ADGRF1: variants seen among roughly 807,000 people sequenced by gnomAD.
ADGRF1 encodes adhesion G protein-coupled receptor F1.
ADGRF1 carries 85 observed loss-of-function variants against 87.2 expected under a neutral mutation model. The ratio of observed to expected loss-of-function variants is 0.97; its 90% CI spans 0.82 to 1.17. ADGRF1 has a LOEUF of 1.17. Ranked by LOEUF, ADGRF1 falls within the 50% of genes most tolerant of loss-of-function variation. The pLI, the probability that ADGRF1 is intolerant of heterozygous loss-of-function variation, is 0.00. For synonymous variants in ADGRF1, 430 were observed against 408.8 expected, an observed-to-expected ratio of 1.05 and a Z score of -0.63; for missense variants, 1,169 against 1,077.2, an observed-to-expected ratio of 1.09 and a Z score of -1.19.
chr6:47,027,949 T>C (rs971268825), intron 2 of ADGRF1, among the ~76,000 whole-genome samples, 188 bp from the exon 3 acceptor site: 1 of 152,000 alleles, frequency 6.6e-6, no homozygotes, highest in Non-Finnish European at 1.5e-5. Context: ...AGAATATGCC[T>C]GGCAGGTAAA....
Position 47,032,269 on chromosome 6 carries a change from C to T in ADGRF1, c.-43-3165G>A, listed in dbSNP as rs115070313. Among the ~76,000 whole-genome samples, 30 of 152,274 alleles carry T rather than the reference C, an allele frequency of 2.0e-4. No individual in the cohort carries two copies. In the Middle Eastern group the frequency reaches 0.01, roughly 52 times the overall value. ...CTGGGATTTGAAACCAAAGCTCAAG[C>T]GAATCAAACTTTTTTTCTTTGCTTC... On this transcript the variant is annotated intron_variant, in intron 1 of 14. Transcript: ENST00000371253.
intron 3 of ADGRF1, 101 bp from the exon 4 acceptor site, chr6:47,026,104 T>G: frequency 1.0e-6 from 1 of 978,946 alleles, no homozygotes; most frequent in Non-Finnish European, 1.5e-6. Context: ...GGTCAGGGAC[T>G]CTACCATGCT....
intron 1 of ADGRF1, among the ~76,000 whole-genome samples, chr6:47,031,134 G>C (rs1780405921): frequency 1.3e-5 from 2 of 152,164 alleles, no homozygotes; most frequent in Admixed American, 1.3e-4. Context: ...ACAGTTTATA[G>C]TGCTGGAGCT....
chr6:47,012,109 T>C lies in ADGRF1; in HGVS notation c.1014A>G (p.Pro338=), dbSNP rs749383166. ...AAGCCAGATTCCCCACTGTGGTTGA[T>C]GGGTTTTGCCGAATGATGACAGAAA... ...QNLSVIIRQN[P]STTVGNLASV... The change falls in exon 10 of 15, where the codon CCA becomes CCG. Residue 338 remains proline, a synonymous_variant. Coordinates refer to ENST00000371253, the MANE Select transcript of ADGRF1 (RefSeq NM_153840.4). 8 of 1,614,014 alleles carry C rather than the reference T, an allele frequency of 5.0e-6. No homozygotes were observed. Among genetic ancestry groups the C allele is most frequent in the Admixed American group, 1.7e-5 (1 of 59,996 alleles).
intron 1 of ADGRF1, 53 bp downstream of exon 1, chr6:47,042,138 C>CT (rs1190844675): frequency 2.0e-5 from 3 of 152,028 alleles, no homozygotes; most frequent in Non-Finnish European, 4.4e-5. Context: ...ACAGGTAGTA[C>CT]TGGTCATCGT....
At chr6:47,020,937 T>C (rs1780028813) in intron 6 of ADGRF1, 148 bp from the exon 7 acceptor site, 6 of 657,816 alleles carry the variant, frequency 9.1e-6, no homozygotes, top group South Asian at 8.9e-5. Context: ...TTGCATGTCA[T>C]ACAAATACAG....
At position 47,009,973 on chromosome 6, in the gene ADGRF1, C is replaced by G. The variant is rs762710655; in HGVS notation, c.1462G>C (p.Gly488Arg). ...TTTTTGGAAACGGGTAGAATGTTCC[C>G]CAGAGTCAACGAGGCCATGCTGATA... ...TIISMASLTLGNILPVSKNGN... is the reference protein window; with the variant it reads ...TIISMASLTLRNILPVSKNGN... The change falls in exon 11 of 15, where the codon GGG (glycine) becomes CGG (arginine). Residue 488 changes from glycine (G) to arginine (R), a missense_variant. Physicochemically the swap from Gly to Arg is moderately radical, Grantham distance 125. Transcript: ENST00000371253. 5 of 1,613,988 alleles carry G rather than the reference C, an allele frequency of 3.1e-6. No individual in the cohort carries two copies. In the African/African-American group the frequency reaches 6.7e-5, roughly 22 times the overall value.
At chr6:47,021,038 G>T (rs942287413) in intron 6 of ADGRF1, among the ~76,000 whole-genome samples, 1 of 152,166 alleles carries the variant, frequency 6.6e-6, no homozygotes, top group African/African-American at 2.4e-5. Flanking sequence ...CTAATAAATT[G>T]TGAATAACCA....
intron 9 of ADGRF1, chr6:47,013,020 G>T: frequency 1.0e-6 from 1 of 953,426 alleles, no homozygotes; most frequent in Non-Finnish European, 1.2e-6. Flanking sequence ...GATCTGCCCG[G>T]CTTGGCCTCC....
intron 1 of ADGRF1, among the ~76,000 whole-genome samples, chr6:47,032,268 G>A (rs1409629301): frequency 2.0e-5 from 3 of 152,196 alleles, no homozygotes; most frequent in African/African-American, 7.2e-5. Context: ...CAAAGCTCAA[G>A]CGAATCAAAC....
In ADGRF1 at chr6:47,024,229, A is replaced by T; in HGVS notation, c.278-12T>A. The T allele has an allele frequency of 3.1e-6, 5 of 1,606,502 alleles. No individual in the cohort carries two copies. The highest frequency in any genetic ancestry group is 4.3e-6 in the Non-Finnish European group (5 of 1,174,436). ...CAGGCTGTTGCAGTCTGCACAAGAA[A>T]TAGAACTCAGTCTCATGGATTCTGG... On this transcript the variant is annotated splice_polypyrimidine_tract_variant and intron_variant, in intron 4 of 14. Transcript: ENST00000371253.
chr6:47,019,682 T>C (rs1779983953), intron 7 of ADGRF1: 1 of 591,130 alleles, frequency 1.7e-6, no homozygotes, highest in African/African-American at 5.8e-5. Flanking sequence ...AGACTCCATC[T>C]CAAAAAAAAA....
Position 47,021,671 on chromosome 6 carries a change from T to G in ADGRF1, c.552+287A>C, listed in dbSNP as rs115695370. The stretch of plus-strand genomic sequence containing the variant: ...CCACCATGCCCGGTCCATAAAAATT[T>G]TTTATAAAAAAATTAAAAGAGAAAA... On this transcript the variant is annotated intron_variant, in intron 6 of 14. Transcript: ENST00000371253. Among the ~76,000 whole-genome samples the G allele has an allele frequency of 2.9e-3, 434 of 152,192 alleles. 1 individual carries two copies. Among genetic ancestry groups the G allele is most frequent in the African/African-American group, 0.01 (421 of 41,528 alleles).
intron 1 of ADGRF1, among the ~76,000 whole-genome samples, chr6:47,041,055 A>G (rs1561885886): frequency 6.6e-6 from 1 of 152,242 alleles, no homozygotes; most frequent in Non-Finnish European, 1.5e-5. Flanking sequence ...CTCCACAGGC[A>G]TACACTCCTA....
chr6:47,014,766 C>A lies in ADGRF1; in HGVS notation c.842G>T (p.Gly281Val), dbSNP rs997724920. The change falls in exon 9 of 15, where the codon GGA becomes GTA. Residue 281 changes from glycine (G) to valine (V), a missense_variant. Gly to Val is a moderately radical substitution (Grantham distance 109). Coordinates refer to ENST00000371253, the MANE Select transcript of ADGRF1 (RefSeq NM_153840.4). The stretch of plus-strand genomic sequence containing the variant: ...GGACTCACACTTGGCTGTGATGTTT[C>A]CCCTGTAGCCACTGCTGCAGGGCAG... ...YTLPCSSGYR[G>V]NITAKCESSG... is the part of the protein sequence containing the mutation. 3.7e-6 allele frequency: 6 copies of A among 1,613,886 alleles called. No homozygotes were observed. The Admixed American group carries it at 1.0e-4, about 27-fold the overall frequency.
At chr6:47,041,175 T>C (rs114687079) in intron 1 of ADGRF1, among the ~76,000 whole-genome samples, 1,847 of 152,368 alleles carry the variant, frequency 0.012, 21 homozygotes, top group Non-Finnish European at 0.021. Context: ...GAATAAAGTA[T>C]TATGGGACCA....
At chr6:47,023,416 G>T (rs1780127088) in intron 5 of ADGRF1, among the ~76,000 whole-genome samples, 1 of 152,202 alleles carries the variant, frequency 6.6e-6, no homozygotes, top group African/African-American at 2.4e-5. Flanking sequence ...CAGTTAACTG[G>T]AGTAATCATT....
Position 47,009,406 on chromosome 6 carries a change from T to C in ADGRF1, c.2029A>G (p.Met677Val), listed in dbSNP as rs1370565193. 5 of 1,613,978 alleles carry C rather than the reference T, an allele frequency of 3.1e-6. No homozygotes were observed. The East Asian group carries it at 6.7e-5, about 22-fold the overall frequency. ...CGGTAAGCCAGCAGGATGCCAAGCA[T>C]GAGCATCCAGAAGAACAAAGAGAGG... ...FYLSLFFWML[M>V]LGILLAYRII... Residue 677 changes from methionine to valine, a missense_variant, in exon 11 of 15, where the codon ATG becomes GTG. Transcript: ENST00000371253.
intron 8 of ADGRF1, among the ~76,000 whole-genome samples, chr6:47,015,949 G>C (rs1053706770): frequency 2.0e-5 from 3 of 152,020 alleles, no homozygotes; most frequent in Non-Finnish European, 4.4e-5. Context: ...CGTTGGCCAA[G>C]CTGATCTTGA....
Sources: allele counts gnomAD v4.1 joint callset (sites outside exome capture counted in the v4.1 genomes callset), GRCh38; gene constraint gnomAD v4.1.1; transcripts MANE v1.5; gene names NCBI Gene and HGNC (gene_info 2026-07-23, HGNC 2026-07-21).